RCOR1: variants seen among roughly 807,000 people sequenced by gnomAD.
RCOR1 encodes REST corepressor 1.
Under a neutral mutation model 64.0 loss-of-function variants are expected in RCOR1, and 12 were observed. The observed-to-expected ratio is 0.19, with a 90% CI of 0.12 to 0.30. The LOEUF (loss-of-function observed/expected upper bound fraction) is 0.30. Ranked by LOEUF, RCOR1 falls within the 10% of genes least tolerant of loss-of-function variation. The pLI is 1.00. For missense variants in RCOR1, 502 were observed against 621.2 expected, an observed-to-expected ratio of 0.81 and a Z score of 2.04; for synonymous variants, 279 against 227.2, an observed-to-expected ratio of 1.23 and a Z score of -2.05.
intron 2 of RCOR1, among the ~76,000 whole-genome samples, chr14:102,607,135 G>A (rs1893528032): frequency 6.6e-6 from 1 of 151,934 alleles, no homozygotes; most frequent in Admixed American, 6.6e-5. Context: ...GTTTTTCCAT[G>A]TTGGTCAGGC....
chr14:102,722,521 C>A (rs2139995827), intron 11 of RCOR1, 105 bp downstream of exon 11: 1 of 866,966 alleles, frequency 1.2e-6, no homozygotes, highest in Non-Finnish European at 1.8e-6. Flanking sequence ...TAGGTATCAG[C>A]TGTATTAGTA....
chr14:102,608,927 T>C (rs1214624440), intron 2 of RCOR1, among the ~76,000 whole-genome samples: 1 of 152,078 alleles, frequency 6.6e-6, no homozygotes, highest in Non-Finnish European at 1.5e-5. Flanking sequence ...ACCGTGCTGT[T>C]ATGTACATTC....
chr14:102,653,958 TCTTTCTTTCTTTCTTTC>T (rs1567423334), intron 2 of RCOR1, among the ~76,000 whole-genome samples: 15 of 55,360 alleles, frequency 2.7e-4, no homozygotes, highest in African/African-American at 1.7e-3. Context: ...TTTCTTTCTT[TCTTTCTTTCTTTCTTTC>T]TTTCTTTCTT....
At chr14:102,677,240 G>A (rs1895196624) in intron 2 of RCOR1, among the ~76,000 whole-genome samples, 1 of 129,998 alleles carries the variant, frequency 7.7e-6, no homozygotes, top group Non-Finnish European at 1.7e-5. Context: ...CGGACGGGGT[G>A]GCTGGCCGGG....
In RCOR1 at chr14:102,673,865, G is replaced by A. The variant is rs527770598; in HGVS notation, c.362-8030G>A. Among the ~76,000 whole-genome samples the A allele has an allele frequency of 6.6e-5, 10 of 151,646 alleles. No individual in the cohort carries two copies. In the East Asian group the frequency reaches 9.8e-4, roughly 15 times the overall value. On this transcript the variant is annotated intron_variant, in intron 2 of 11. Coordinates refer to ENST00000262241, the MANE Select transcript of RCOR1 (RefSeq NM_015156.4). Reference sequence around the variant, plus strand: ...CCCGACTTCAGGTGATCCGCCCGCCGCCGCCTCGCCAAGTGCTGGGATTAC... The same window carrying A: ...CCCGACTTCAGGTGATCCGCCCGCCACCGCCTCGCCAAGTGCTGGGATTAC...
At chr14:102,722,465 T>C (rs1896184415) in intron 11 of RCOR1, 49 bp downstream of exon 11, 2 of 1,451,328 alleles carry the variant, frequency 1.4e-6, no homozygotes, top group Non-Finnish European at 1.9e-6. Context: ...TCACGCTTGA[T>C]ACTCCAGTTT....
chr14:102,726,124 C>T (rs1229690269), intron 11 of RCOR1, among the ~76,000 whole-genome samples: 1 of 151,872 alleles, frequency 6.6e-6, no homozygotes, highest in Non-Finnish European at 1.5e-5. Context: ...GTCAGGAGTT[C>T]GAGACCAGCC....
chr14:102,705,486 C>T (rs1895832827), intron 4 of RCOR1, among the ~76,000 whole-genome samples: 1 of 152,184 alleles, frequency 6.6e-6, no homozygotes, highest in Admixed American at 6.5e-5. Flanking sequence ...GCTCTGTCAT[C>T]CATGCTGGAG....
rs765076418 is a variant in RCOR1 at position 102,710,965 on chromosome 14, C to T, written c.810C>T (p.Asn270=). Residue 270 remains asparagine (N), a synonymous_variant, in exon 7 of 12, where the codon AAC becomes AAT. Coordinates refer to ENST00000262241, the MANE Select transcript of RCOR1 (RefSeq NM_015156.4). ...SEDELEEANG[N]NPIDIEVDQN... is the part of the protein sequence containing the mutation. ...ATGAACTGGAAGAGGCAAATGGAAA[C>T]AATCCCATTGACATTGAGGTTGATC... 1.2e-6 allele frequency: 2 copies of T among 1,608,474 alleles called. No homozygotes were observed. Among genetic ancestry groups the T allele is most frequent in the South Asian group, 1.1e-5 (1 of 89,382 alleles).
chr14:102,640,128 A>G (rs984921378), intron 2 of RCOR1, among the ~76,000 whole-genome samples: 3 of 152,068 alleles, frequency 2.0e-5, no homozygotes, highest in South Asian at 2.1e-4. Flanking sequence ...GACAGGCGTG[A>G]GCCGCCACAC....
At chr14:102,683,772 C>T (rs1051204031) in intron 3 of RCOR1, among the ~76,000 whole-genome samples, 1 of 152,258 alleles carries the variant, frequency 6.6e-6, no homozygotes, top group Non-Finnish European at 1.5e-5. Context: ...CCCAGTGCTG[C>T]TTCCGGGTCC....
chr14:102,657,037 A>G (rs763687531), intron 2 of RCOR1: 144 of 954,770 alleles, frequency 1.5e-4, no homozygotes, highest in Non-Finnish European at 1.7e-4. Context: ...AGCCTCCCAA[A>G]GTGCTGGGAT....
intron 3 of RCOR1, among the ~76,000 whole-genome samples, chr14:102,693,676 C>G (rs1251672097): frequency 6.6e-6 from 1 of 152,194 alleles, no homozygotes; most frequent in Non-Finnish European, 1.5e-5. Context: ...ATAACACAGA[C>G]TCTCTTTCAT....
At chr14:102,655,944 C>G in intron 2 of RCOR1, 1 of 904,944 alleles carries the variant, frequency 1.1e-6, no homozygotes, top group Non-Finnish European at 1.3e-6. Context: ...CAGAGTGAGA[C>G]TTTTTGTCAC....
chr14:102,636,585 G>T (rs543235846), intron 2 of RCOR1, among the ~76,000 whole-genome samples: 37 of 152,142 alleles, frequency 2.4e-4, no homozygotes, highest in African/African-American at 8.7e-4. Context: ...CCTGGCCATA[G>T]AAATCTTTTC....
At chr14:102,700,886 AT>A (rs1474613407) in intron 3 of RCOR1, among the ~76,000 whole-genome samples, 11 of 152,346 alleles carry the variant, frequency 7.2e-5, no homozygotes, top group Non-Finnish European at 1.0e-4. Context: ...AAGAGGTTTA[AT>A]GGACTTAGAG....
chr14:102,710,876 G>A (rs374059716), intron 6 of RCOR1, 59 bp from the exon 7 acceptor site: 26 of 1,182,056 alleles, frequency 2.2e-5, no homozygotes, highest in Admixed American at 1.8e-4. Flanking sequence ...TCAATTTATC[G>A]TTTGTATTCG....
intron 2 of RCOR1, among the ~76,000 whole-genome samples, chr14:102,621,357 C>T (rs1415259294): frequency 6.8e-6 from 1 of 147,202 alleles, no homozygotes; most frequent in African/African-American, 2.5e-5. Context: ...TCTTGCACAC[C>T]AGTCTTTGTC....
chr14:102,657,709 G>C (rs1009738433), intron 2 of RCOR1: 2 of 376,530 alleles, frequency 5.3e-6, no homozygotes, highest in Admixed American at 1.3e-4. Flanking sequence ...TTGGTGGTGC[G>C]TGCCTGTAAT....
Sources: allele counts gnomAD v4.1 joint callset (sites outside exome capture counted in the v4.1 genomes callset), GRCh38; gene constraint gnomAD v4.1.1; transcripts MANE v1.5; gene names NCBI Gene and HGNC (gene_info 2026-07-23, HGNC 2026-07-21).